The following NFXL1 variants were observed in gnomAD, a reference collection of about 807,000 sequenced individuals.
The protein encoded by NFXL1 is NF-X1-type zinc finger protein NFXL1.
A neutral mutation model predicts 123.3 loss-of-function variants in NFXL1; 66 were observed. That is an observed-to-expected ratio of 0.54 (90% CI 0.44 to 0.66). NFXL1 has a LOEUF of 0.66. Ranked by LOEUF, NFXL1 falls within the 30% of genes least tolerant of loss-of-function variation. The probability of loss-of-function intolerance (pLI) is 0.00; values close to 1 mark genes in which losing one functional copy is unlikely to be tolerated. For missense variants in NFXL1, 944 were observed against 1,125.6 expected, an observed-to-expected ratio of 0.84 and a Z score of 2.31; for synonymous variants, 346 against 360.8, an observed-to-expected ratio of 0.96 and a Z score of 0.46.
chr4:47,859,299 C>T (rs1734589513), intron 19 of NFXL1, among the ~76,000 whole-genome samples: 1 of 152,192 alleles, frequency 6.6e-6, no homozygotes, highest in African/African-American at 2.4e-5. Context: ...CTAAGAAACA[C>T]TTGTAGAACA....
At chr4:47,858,614 A>T (rs1179854768) in intron 19 of NFXL1, among the ~76,000 whole-genome samples, 1 of 152,260 alleles carries the variant, frequency 6.6e-6, no homozygotes, top group African/African-American at 2.4e-5. Context: ...AAAAGTGCAT[A>T]CTTTTAAACT....
chr4:47,886,720 G>GC (rs1167216519), intron 12 of NFXL1, among the ~76,000 whole-genome samples: 9 of 152,102 alleles, frequency 5.9e-5, no homozygotes, highest in African/African-American at 2.2e-4. Flanking sequence ...TAAAGTTTTA[G>GC]ACATTTCTCT....
chr4:47,885,424 TGAAAAACTAA>T, intron 14 of NFXL1, 64 bp downstream of exon 14: 1 of 1,255,430 alleles, frequency 8.0e-7, no homozygotes, highest in Non-Finnish European at 1.1e-6. Context: ...CATTGCTCAT[TGAAAAACTAA>T]GTAAAAGCAA....
intron 18 of NFXL1, among the ~76,000 whole-genome samples, chr4:47,872,246 G>A (rs927572725): frequency 1.3e-5 from 2 of 152,046 alleles, no homozygotes; most frequent in African/African-American, 2.4e-5. Flanking sequence ...GGTGGATCAC[G>A]AGGTCAGGAG....
chr4:47,909,005 C>T (rs1327578138), intron 3 of NFXL1, among the ~76,000 whole-genome samples: 4 of 148,564 alleles, frequency 2.7e-5, no homozygotes, highest in East Asian at 2.0e-4. Flanking sequence ...GCAGCAGTTA[C>T]GATAGAAAAT....
chr4:47,867,001 G>A (rs1735123769), intron 18 of NFXL1, among the ~76,000 whole-genome samples: 1 of 152,124 alleles, frequency 6.6e-6, no homozygotes, highest in South Asian at 2.1e-4. Context: ...GGGCGCTTGT[G>A]ACTGGTTTGC....
intron 20 of NFXL1, among the ~76,000 whole-genome samples, chr4:47,853,806 C>T (rs2110028204): frequency 6.6e-6 from 1 of 152,156 alleles, no homozygotes; most frequent in East Asian, 1.9e-4. Flanking sequence ...GCCGAGTCTG[C>T]ATATACCTAC....
intron 8 of NFXL1, 151 bp downstream of exon 8, chr4:47,898,606 A>T (rs2110098971): frequency 3.5e-6 from 2 of 566,256 alleles, no homozygotes; most frequent in East Asian, 5.8e-5. Flanking sequence ...TAAATTTAAA[A>T]GTAGTTTCTT....
chr4:47,877,817 T>G (rs1200282368), intron 17 of NFXL1, among the ~76,000 whole-genome samples: 1 of 152,086 alleles, frequency 6.6e-6, no homozygotes, highest in African/African-American at 2.4e-5. Flanking sequence ...AATTTAATGT[T>G]AATAATAAAG....
At chr4:47,871,883 A>G (rs933389829) in intron 18 of NFXL1, among the ~76,000 whole-genome samples, 1 of 152,254 alleles carries the variant, frequency 6.6e-6, no homozygotes, top group African/African-American at 2.4e-5. Context: ...GCTAAAAAAT[A>G]TGAAATAAAG....
chr4:47,887,360 G>A (rs1166032373), intron 12 of NFXL1, among the ~76,000 whole-genome samples: 1 of 152,174 alleles, frequency 6.6e-6, no homozygotes, highest in Admixed American at 6.5e-5. Context: ...CCTGGCTTAA[G>A]TGCCTCTAGA....
intron 19 of NFXL1, among the ~76,000 whole-genome samples, chr4:47,856,715 A>C (rs1734436945): frequency 6.6e-6 from 1 of 152,184 alleles, no homozygotes; most frequent in Non-Finnish European, 1.5e-5. Context: ...CACACTGTGC[A>C]CTTCCACTAA....
At chr4:47,897,171 G>C (rs1025326862) in intron 9 of NFXL1, among the ~76,000 whole-genome samples, 1 of 152,028 alleles carries the variant, frequency 6.6e-6, no homozygotes, top group Non-Finnish European at 1.5e-5. Context: ...AATGAGCCAG[G>C]CATGGTGACA....
intron 16 of NFXL1, 110 bp downstream of exon 16, chr4:47,878,986 T>TA: frequency 1.4e-6 from 1 of 699,526 alleles, no homozygotes; most frequent in Middle Eastern, 2.9e-4. Flanking sequence ...TTTATAACAG[T>TA]AAAATAACAA....
chr4:47,862,313 C>G (rs1159367037), intron 19 of NFXL1, among the ~76,000 whole-genome samples: 1 of 152,122 alleles, frequency 6.6e-6, no homozygotes, highest in Non-Finnish European at 1.5e-5. Context: ...TAGTAATGAA[C>G]TTGAAAGGCT....
At position 47,856,268 on chromosome 4, in the gene NFXL1, G is replaced by A. The variant is rs961448546; in HGVS notation, c.2317-1105C>T. The stretch of plus-strand genomic sequence containing the variant: ...AAGAGTATTAGTACTTTATAAAGCT[G>A]TTGTGAGGATTAAATGAGTTCAGTA... On this transcript the variant is annotated intron_variant, in intron 19 of 22. Transcript: ENST00000507489. Among the ~76,000 whole-genome samples, 60 of 152,174 alleles carry A rather than the reference G, an allele frequency of 3.9e-4. 1 individual carries two copies. Among genetic ancestry groups the A allele is most frequent in the South Asian group, 2.1e-4 (1 of 4,822 alleles).
chr4:47,914,114 G>T lies in NFXL1; in HGVS notation c.90C>A (p.Leu30=). The change falls in exon 2 of 23, where the codon CTC becomes CTA. Residue 30 remains leucine (L), a synonymous_variant. Coordinates refer to ENST00000507489, the MANE Select transcript of NFXL1 (RefSeq NM_001278624.2). Reference sequence around the variant, plus strand: ...TCTCTCGCCCTCCTCCGGCGCCGCGGAGATGGACTCCATTTCCTGAGGGGG... The same window carrying T: ...TCTCTCGCCCTCCTCCGGCGCCGCGTAGATGGACTCCATTTCCTGAGGGGG... ...TAAPSGNGVH[L]RGAGGGREKG... The T allele has an allele frequency of 6.4e-7, 1 of 1,553,584 alleles. No homozygotes were observed. Among genetic ancestry groups the T allele is most frequent in the Non-Finnish European group, 8.7e-7 (1 of 1,148,778 alleles).
In NFXL1 at chr4:47,894,090, A is replaced by T; in HGVS notation, c.1452+90T>A. On this transcript the variant is annotated intron_variant, in intron 11 of 22. Transcript: ENST00000507489. The stretch of plus-strand genomic sequence containing the variant: ...GAAAGCATATGCCTGAACATTTGAG[A>T]AACAATTCAAGACAGCACTTATTTG... The T allele has an allele frequency of 2.3e-6, 2 of 881,382 alleles. 1 individual carries two copies. Among genetic ancestry groups the T allele is most frequent in the Admixed American group, 5.5e-5 (2 of 36,190 alleles). The allele number at this position is 881,382 out of a possible 1,614,324, so 54.6% of individuals were successfully genotyped here. A position where few individuals can be genotyped will look rare whatever the true frequency, so the allele number is the denominator to read the frequency against.
At chr4:47,850,440 G>A (rs1157721686) in intron 22 of NFXL1, among the ~76,000 whole-genome samples, 3 of 151,990 alleles carry the variant, frequency 2.0e-5, no homozygotes, top group Non-Finnish European at 4.4e-5. Context: ...AATCTGATAA[G>A]TATAAAGCAT....
Sources: allele counts gnomAD v4.1 joint callset (sites outside exome capture counted in the v4.1 genomes callset), GRCh38; gene constraint gnomAD v4.1.1; transcripts MANE v1.5; gene names NCBI Gene and HGNC (gene_info 2026-07-23, HGNC 2026-07-21).